TEKT5: variants seen among roughly 807,000 people sequenced by gnomAD.
TEKT5 encodes the protein tektin 5, also known as tektin-5.
A neutral mutation model predicts 48.7 loss-of-function variants in TEKT5; 52 were observed. That is an observed-to-expected ratio of 1.07 (90% CI 0.86 to 1.35). TEKT5 has a LOEUF of 1.35. Among genes scored for constraint, TEKT5 ranks in the 40% most tolerant of loss-of-function variants. The pLI, the probability that TEKT5 is intolerant of heterozygous loss-of-function variation, is 0.00. For missense variants in TEKT5, 831 were observed against 641.6 expected (o/e 1.30, Z -3.19); for synonymous variants, 318 against 267.6 (o/e 1.19, Z -1.84).
chr16:10,640,061 C>T (rs1330669824), intron 5 of TEKT5, among the ~76,000 whole-genome samples: 2 of 107,400 alleles, frequency 1.9e-5, no homozygotes, highest in East Asian at 3.4e-4. Context: ...CCTCCTCCTC[C>T]TTTTTCTTTC....
At chr16:10,684,709 C>T (rs549301606) in intron 3 of TEKT5, among the ~76,000 whole-genome samples, 12 of 152,130 alleles carry the variant, frequency 7.9e-5, no homozygotes, top group Non-Finnish European at 1.6e-4. Context: ...GCTGCCTGGC[C>T]CTTGTCATGA....
chr16:10,682,247 T>A, intron 3 of TEKT5, 111 bp from the exon 4 acceptor site: 1 of 1,297,858 alleles, frequency 7.7e-7, no homozygotes, highest in Non-Finnish European at 1.1e-6. Flanking sequence ...AGCCACCCAG[T>A]AGCTTCTCAG....
intron 5 of TEKT5, among the ~76,000 whole-genome samples, chr16:10,660,377 A>AC (rs1898345738): frequency 6.7e-6 from 1 of 149,516 alleles, no homozygotes; most frequent in South Asian, 2.1e-4. Flanking sequence ...AACTCCCCCC[A>AC]CCCCACCCCC....
chr16:10,688,516 C>T (rs1245853090), intron 3 of TEKT5, among the ~76,000 whole-genome samples: 2 of 152,294 alleles, frequency 1.3e-5, no homozygotes, highest in African/African-American at 2.4e-5. Flanking sequence ...CAGGCTGTCC[C>T]GTGCTTTCTG....
chr16:10,658,722 T>TTCTC (rs1363704711), intron 5 of TEKT5, among the ~76,000 whole-genome samples: 3 of 148,366 alleles, frequency 2.0e-5, no homozygotes, highest in Non-Finnish European at 3.0e-5. Flanking sequence ...ATATTTCTTT[T>TTCTC]TCTTTTTTTT....
At chr16:10,655,621 G>A (rs529425075) in intron 5 of TEKT5, among the ~76,000 whole-genome samples, 2 of 152,290 alleles carry the variant, frequency 1.3e-5, no homozygotes, top group East Asian at 1.9e-4. Flanking sequence ...CAGGCCATGT[G>A]ACTAATTCTA....
intron 3 of TEKT5, among the ~76,000 whole-genome samples, chr16:10,684,670 C>T (rs1596418787): frequency 2.0e-5 from 3 of 152,204 alleles, no homozygotes; most frequent in Admixed American, 2.0e-4. Flanking sequence ...TAGAGGGAAA[C>T]CTGGGGGCCT....
rs1183044377 is a variant in TEKT5, at chr16:10,681,653, A to G, written c.863+340T>C. On this transcript the variant is annotated intron_variant, in intron 4 of 6. Transcript: ENST00000283025. ...GGCAGTGGCTGTGCGACCCTCACTA[A>G]GCCAATGCCATGCCCTCTCTTCCTG... Among the ~76,000 whole-genome samples the G allele has an allele frequency of 3.3e-5, 5 of 151,526 alleles. 1 individual carries two copies. In the South Asian group the frequency reaches 1.0e-3, roughly 32 times the overall value.
At chr16:10,628,642 C>A (rs7190276) in intron 6 of TEKT5, among the ~76,000 whole-genome samples, 54 of 152,204 alleles carry the variant, frequency 3.5e-4, no homozygotes, top group African/African-American at 1.2e-3. Flanking sequence ...TGGTGGCTCA[C>A]GCCTGAAATC....
chr16:10,661,597 A>T (rs1180201067), intron 5 of TEKT5, among the ~76,000 whole-genome samples: 2 of 152,264 alleles, frequency 1.3e-5, no homozygotes, highest in African/African-American at 4.8e-5. Context: ...ACACCCAGGC[A>T]GTGTGGACAA....
intron 3 of TEKT5, among the ~76,000 whole-genome samples, chr16:10,686,022 C>T (rs1281752279): frequency 1.3e-5 from 2 of 152,212 alleles, no homozygotes; most frequent in Admixed American, 6.6e-5. Flanking sequence ...ACCAGCGCCA[C>T]GGTTTTTCAC....
intron 4 of TEKT5, among the ~76,000 whole-genome samples, chr16:10,681,258 T>A (rs970171219): frequency 6.6e-6 from 1 of 152,148 alleles, no homozygotes; most frequent in Non-Finnish European, 1.5e-5. Flanking sequence ...AGTGGGTACT[T>A]AATTTTCTCC....
intron 1 of TEKT5, among the ~76,000 whole-genome samples, chr16:10,693,439 G>A (rs1425345261): frequency 2.6e-5 from 4 of 152,200 alleles, no homozygotes; most frequent in Non-Finnish European, 5.9e-5. Context: ...TTTATTGAAT[G>A]CCTACTCTGT....
At chr16:10,681,159 G>C (rs1898741694) in intron 4 of TEKT5, among the ~76,000 whole-genome samples, 1 of 151,766 alleles carries the variant, frequency 6.6e-6, no homozygotes, top group South Asian at 2.1e-4. Flanking sequence ...GTAAGCACTT[G>C]ATAAATGTTG....
chr16:10,694,584 G>T lies in TEKT5; in HGVS notation c.290C>A (p.Ser97Tyr), dbSNP rs759804960. ...SRYSPHDWDQ[S>Y]NQLQVRGAEA... Reference sequence around the variant, plus strand: ...GGCCCCACGCACCTGCAGCTGGTTGGACTGGTCCCAGTCGTGGGGGCTATA... The same window carrying T: ...GGCCCCACGCACCTGCAGCTGGTTGTACTGGTCCCAGTCGTGGGGGCTATA... Residue 97 changes from serine to tyrosine, a missense_variant, in exon 1 of 7, where the codon TCC becomes TAC. Transcript: ENST00000283025. The T allele has an allele frequency of 6.2e-6, 10 of 1,605,992 alleles. No homozygotes were observed. In the African/African-American group the frequency reaches 1.3e-4, roughly 21 times the overall value.
At chr16:10,687,968 T>C (rs1369267091) in intron 3 of TEKT5, among the ~76,000 whole-genome samples, 1 of 152,258 alleles carries the variant, frequency 6.6e-6, no homozygotes, top group Non-Finnish European at 1.5e-5. Context: ...TATCATTTCT[T>C]TGTGTTACAA....
chr16:10,685,957 T>G (rs930597960), intron 3 of TEKT5, among the ~76,000 whole-genome samples: 1 of 152,152 alleles, frequency 6.6e-6, no homozygotes, highest in Admixed American at 6.6e-5. Context: ...CTGGGATTAG[T>G]TCACTCTGCC....
At position 10,684,626 on chromosome 16, in the gene TEKT5, G is replaced by C. The variant is rs924905944; in HGVS notation, c.720-2490C>G. ...CCTAATGAGCTGGAATGTGAAGCGA[G>C]GCCAGGATGTGGAAAGCAAACATGT... On this transcript the variant is annotated intron_variant, in intron 3 of 6. Coordinates refer to ENST00000283025, the MANE Select transcript of TEKT5 (RefSeq NM_144674.2). 4.1e-4 allele frequency among the ~76,000 whole-genome samples: 62 copies of C among 152,150 alleles called. 3 individuals are homozygous for C. The highest frequency in any genetic ancestry group is 1.5e-5 in the Non-Finnish European group (1 of 68,030).
chr16:10,660,877 T>G, intron 5 of TEKT5, among the ~76,000 whole-genome samples: 1 of 152,204 alleles, frequency 6.6e-6, no homozygotes, highest in Non-Finnish European at 1.5e-5. Context: ...ATTTTTGTAT[T>G]TTTAGTTGAG....
Sources: allele counts gnomAD v4.1 joint callset (sites outside exome capture counted in the v4.1 genomes callset), GRCh38; gene constraint gnomAD v4.1.1; transcripts MANE v1.5; gene names NCBI Gene and HGNC (gene_info 2026-07-23, HGNC 2026-07-21).